The following RCC2 variants were observed in gnomAD, a reference collection of about 807,000 sequenced individuals.
RCC2 encodes the protein protein RCC2.
RCC2 carries 19 observed loss-of-function variants against 64.1 expected under a neutral mutation model. The observed-to-expected ratio is 0.30, with a 90% CI of 0.21 to 0.44. The LOEUF (loss-of-function observed/expected upper bound fraction) is 0.44, where lower values mean the gene tolerates loss of function less well. Ranked by LOEUF, RCC2 falls within the 20% of genes least tolerant of loss-of-function variation. The pLI is 1.00. For missense variants in RCC2, 508 were observed against 710.4 expected (o/e 0.72, Z 3.24); for synonymous variants, 325 against 279.6 (o/e 1.16, Z -1.62).
intron 12 of RCC2, among the ~76,000 whole-genome samples, 176 bp from the exon 13 acceptor site, chr1:17,409,370 AACGCTCTG>A: frequency 6.6e-6 from 1 of 152,340 alleles, no homozygotes; most frequent in South Asian, 2.1e-4. Flanking sequence ...GACTGCCACC[AACGCTCTG>A]CCAATCAGAG....
intron 2 of RCC2, among the ~76,000 whole-genome samples, chr1:17,432,831 G>A (rs1158004723): frequency 1.3e-5 from 2 of 152,168 alleles, no homozygotes; most frequent in East Asian, 1.9e-4. Flanking sequence ...GGTGGCTCAC[G>A]CCTGTAGTCC....
At chr1:17,417,580 G>A (rs1213442432) in intron 7 of RCC2, among the ~76,000 whole-genome samples, 3 of 152,176 alleles carry the variant, frequency 2.0e-5, no homozygotes, top group Non-Finnish European at 2.9e-5. Context: ...TACTTGGGAA[G>A]GCTGAGGCAG....
chr1:17,430,217 G>C (rs1017386711), intron 2 of RCC2, among the ~76,000 whole-genome samples: 5 of 152,186 alleles, frequency 3.3e-5, no homozygotes, highest in South Asian at 2.1e-4. Flanking sequence ...TTCTTGGAAG[G>C]CTTCAGGAAA....
chr1:17,432,050 T>C (rs1377594168), intron 2 of RCC2, among the ~76,000 whole-genome samples: 2 of 151,840 alleles, frequency 1.3e-5, no homozygotes, highest in Non-Finnish European at 1.5e-5. Flanking sequence ...ATCACACCAT[T>C]GCACTCCAGC....
intron 2 of RCC2, among the ~76,000 whole-genome samples, chr1:17,433,532 A>G (rs1557635107): frequency 6.6e-6 from 1 of 152,206 alleles, no homozygotes; most frequent in Non-Finnish European, 1.5e-5. Flanking sequence ...TTTTTGGACG[A>G]ACTCAGTGTC....
At chr1:17,438,694 C>A in intron 1 of RCC2, 172 bp from the exon 2 acceptor site, 1 of 564,170 alleles carries the variant, frequency 1.8e-6, no homozygotes. Flanking sequence ...GCGCCCCTCC[C>A]TGGCCCCGGC....
chr1:17,425,720 G>A, intron 3 of RCC2, 36 bp from the exon 4 acceptor site: 2 of 1,571,946 alleles, frequency 1.3e-6, no homozygotes, highest in Non-Finnish European at 1.7e-6. Flanking sequence ...CAGACACCTG[G>A]GGTGGTGGGG....
At chr1:17,417,195 C>A (rs2075496980) in intron 7 of RCC2, among the ~76,000 whole-genome samples, 1 of 152,208 alleles carries the variant, frequency 6.6e-6, no homozygotes, top group African/African-American at 2.4e-5. Flanking sequence ...GCCTGCAATT[C>A]CCACACTCCG....
At chr1:17,436,533 A>C (rs530764039) in intron 2 of RCC2, among the ~76,000 whole-genome samples, 1 of 152,270 alleles carries the variant, frequency 6.6e-6, no homozygotes, top group South Asian at 2.1e-4. Flanking sequence ...CAAATGTGCC[A>C]TTTCCATTGA....
At chr1:17,418,390 G>C (rs1004396033) in intron 7 of RCC2, among the ~76,000 whole-genome samples, 46 of 152,220 alleles carry the variant, frequency 3.0e-4, no homozygotes, top group Admixed American at 1.4e-3. Context: ...CGGGCGCGGT[G>C]GCTCGCGCCT....
chr1:17,437,897 G>A (rs1308372136), intron 2 of RCC2, among the ~76,000 whole-genome samples: 3 of 145,146 alleles, frequency 2.1e-5, no homozygotes, highest in Non-Finnish European at 4.6e-5. Context: ...GGCGGGGGGG[G>A]AGGGGCGCAG....
intron 8 of RCC2, among the ~76,000 whole-genome samples, chr1:17,416,121 T>C (rs2075481891): frequency 6.8e-6 from 1 of 147,020 alleles, no homozygotes; most frequent in South Asian, 2.2e-4. Context: ...TAAAAACGAC[T>C]CACATCCCCA....
Position 17,430,381 on chromosome 1 carries a change from C to T in RCC2, c.286-1182G>A, listed in dbSNP as rs529872944. Among the ~76,000 whole-genome samples, 16 of 151,656 alleles carry T rather than the reference C, an allele frequency of 1.1e-4. No homozygotes were observed. In the South Asian group the frequency reaches 3.1e-3, roughly 30 times the overall value. ...AAAAATGAGCCTGTGGTCCCAGTTA[C>T]TTGGGAGGCTGAGGTGGGAGGATTG... On this transcript the variant is annotated intron_variant, in intron 2 of 12. Coordinates refer to ENST00000375436, the MANE Select transcript of RCC2 (RefSeq NM_018715.4).
chr1:17,418,912 A>G (rs1018870660), intron 7 of RCC2, among the ~76,000 whole-genome samples: 6 of 152,342 alleles, frequency 3.9e-5, no homozygotes, highest in Non-Finnish European at 7.3e-5. Flanking sequence ...ACAGGAGAGG[A>G]GGCACATTTG....
At position 17,438,290 on chromosome 1, in the gene RCC2, T is replaced by C; in HGVS notation, c.225A>G (p.Ala75=). ...GGKRAARPAT[A]GKAGGAAVVI... ...CCACGGCCGCGCCGCCCGCCTTGCC[T>C]GCTGTCGCCGGCCGCGCCGCGCGCT... The change falls in exon 2 of 13, where the codon GCA becomes GCG. Residue 75 remains alanine (A), a synonymous_variant. Coordinates refer to ENST00000375436, the MANE Select transcript of RCC2 (RefSeq NM_018715.4). 1 of 1,284,190 alleles carries C rather than the reference T, an allele frequency of 7.8e-7. No individual in the cohort carries two copies. Among genetic ancestry groups the C allele is most frequent in the South Asian group, 1.9e-5 (1 of 51,874 alleles). 79.5% of individuals were successfully genotyped at this position (1,284,190 alleles called of 1,614,324 possible). A position where few individuals can be genotyped will look rare whatever the true frequency, so the allele number is the denominator to read the frequency against.
At chr1:17,419,473 GATCT>G (rs568359617) in intron 7 of RCC2, among the ~76,000 whole-genome samples, 1 of 152,204 alleles carries the variant, frequency 6.6e-6, no homozygotes, top group Non-Finnish European at 1.5e-5. Context: ...TTCTAAAAGT[GATCT>G]ATCTGGATTT....
At chr1:17,419,838 C>T (rs533094144) in intron 7 of RCC2, among the ~76,000 whole-genome samples, 1 of 152,318 alleles carries the variant, frequency 6.6e-6, no homozygotes, top group Non-Finnish European at 1.5e-5. Flanking sequence ...GTCTCGGGCT[C>T]CACCACGGCA....
chr1:17,409,637 T>TGGACCTGC (rs2075404069), intron 12 of RCC2, among the ~76,000 whole-genome samples: 3 of 152,222 alleles, frequency 2.0e-5, no homozygotes, highest in South Asian at 4.1e-4. Context: ...CTCTACTCTG[T>TGGACCTGC]GGACCTGCGG....
chr1:17,410,254 G>A lies in RCC2; in HGVS notation c.1387-203C>T, dbSNP rs2075410423. On this transcript the variant is annotated intron_variant, in intron 11 of 12. Transcript: ENST00000375436. ...TCCACAAAAGGTGCCACCAGCAGGC[G>A]ACTAGCGCTTAACCTAAGGAAGACC... Among the ~76,000 whole-genome samples the A allele has an allele frequency of 2.0e-5, 3 of 152,154 alleles. No individual in the cohort carries two copies. In the South Asian group the frequency reaches 6.2e-4, roughly 32 times the overall value.
Sources: gnomAD v4.1 joint callset for allele counts (sites outside exome capture counted in the v4.1 genomes callset) on GRCh38, gnomAD v4.1.1 for gene constraint, MANE v1.5 for transcripts, NCBI Gene and HGNC (gene_info 2026-07-23, HGNC 2026-07-21) for gene names.